Variants in LRP8 observed in about 807,000 individuals in gnomAD.
The protein encoded by LRP8 is low-density lipoprotein receptor-related protein 8.
In LRP8, 46 loss-of-function variants were observed where a neutral mutation model predicts 111.6. That is an observed-to-expected ratio of 0.41 (90% confidence interval 0.33 to 0.53). The LOEUF (loss-of-function observed/expected upper bound fraction) is 0.53. Ranked by LOEUF, LRP8 falls within the 20% of genes least tolerant of loss-of-function variation. LRP8 has a pLI of 0.20. For missense variants in LRP8, 959 were observed against 1,297.4 expected (o/e 0.74, Z 4.01); for synonymous variants, 464 against 511.2 (o/e 0.91, Z 1.24).
At position 53,253,805 on chromosome 1, in the gene LRP8, C is replaced by A. The variant is rs551522158; in HGVS notation, c.2503+1312G>T. Among the ~76,000 whole-genome samples the A allele has an allele frequency of 7.2e-5, 11 of 152,324 alleles. No homozygotes were observed. The South Asian group carries it at 2.3e-3, about 32-fold the overall frequency. On this transcript the variant is annotated intron_variant, in intron 16 of 18. Coordinates refer to ENST00000306052, the MANE Select transcript of LRP8 (RefSeq NM_004631.5). ...TGGAATTACCTTTCCTTCTACCATC[C>A]CTTCACAAGAGTATCATGCCACTAT...
At chr1:53,292,527 A>G (rs1480179777) in intron 2 of LRP8, among the ~76,000 whole-genome samples, 1 of 152,236 alleles carries the variant, frequency 6.6e-6, no homozygotes, top group Non-Finnish European at 1.5e-5. Context: ...TCTTAAAGTA[A>G]GTACCAATAT....
intron 1 of LRP8, 153 bp from the exon 2 acceptor site, chr1:53,327,145 G>T: frequency 1.9e-6 from 2 of 1,035,834 alleles, no homozygotes; most frequent in Admixed American, 5.6e-5. Context: ...CCAAAGGGAG[G>T]GCACGATGGC....
intron 3 of LRP8, among the ~76,000 whole-genome samples, chr1:53,285,971 C>G (rs563199999): frequency 1.8e-4 from 28 of 152,306 alleles, no homozygotes; most frequent in Non-Finnish European, 3.4e-4. Flanking sequence ...CCCAGAGAAT[C>G]CTGCCCCAGA....
At chr1:53,260,434 A>T in intron 13 of LRP8, 30 bp downstream of exon 13, 1 of 1,611,022 alleles carries the variant, frequency 6.2e-7, no homozygotes, top group South Asian at 1.1e-5. Context: ...CAGTCAGGGG[A>T]CCTGGGACCT....
At position 53,280,597 on chromosome 1, in the gene LRP8, G is replaced by C. The variant is rs1439409033; in HGVS notation, c.486C>G (p.Gly162=). 1 of 1,612,296 alleles carries C rather than the reference G, an allele frequency of 6.2e-7. No individual in the cohort carries two copies. The highest frequency in any genetic ancestry group is 8.5e-7 in the Non-Finnish European group (1 of 1,179,964). ...KDCEGGADEA[G]CATLCAPHEF... is the part of the protein sequence containing the mutation. ...TGACCCCAGACTCACAGGTAGCACA[G>C]CCGGCCTCATCCGCTCCACCCTCGC... The change falls in exon 4 of 19, where the codon GGC becomes GGG. Residue 162 remains glycine, a synonymous_variant. Transcript: ENST00000306052.
At chr1:53,277,582 C>A (rs1646968966) in intron 4 of LRP8, among the ~76,000 whole-genome samples, 1 of 152,174 alleles carries the variant, frequency 6.6e-6, no homozygotes, top group Admixed American at 6.5e-5. Context: ...TCGCAGCTCC[C>A]GCCATGCTAG....
chr1:53,247,293 GGT>G (rs144165923), intron 18 of LRP8, among the ~76,000 whole-genome samples: 16 of 152,220 alleles, frequency 1.1e-4, no homozygotes, highest in African/African-American at 3.9e-4. Flanking sequence ...TTTGATCCCA[GGT>G]CTGTATGAAT....
In LRP8 at chr1:53,244,719, G is replaced by A. The variant is rs1358986113; in HGVS notation, c.*2299C>T. The stretch of plus-strand genomic sequence containing the variant: ...TGTGAATGCCAGGATCTTACTGAAA[G>A]TTTAGAAACTATGCCTTAGCCACTG... On this transcript the variant is annotated 3_prime_UTR_variant, in exon 19 of 19. Coordinates refer to ENST00000306052, the MANE Select transcript of LRP8 (RefSeq NM_004631.5). 6.6e-6 allele frequency: 1 copy of A among 152,166 alleles called. No homozygotes were observed. Among genetic ancestry groups the A allele is most frequent in the Non-Finnish European group, 1.5e-5 (1 of 68,030 alleles). 9.4% of individuals were successfully genotyped at this position (152,166 alleles called of 1,614,324 possible).
chr1:53,296,615 T>TA (rs1274138302), intron 2 of LRP8, among the ~76,000 whole-genome samples: 1 of 152,232 alleles, frequency 6.6e-6, no homozygotes. Flanking sequence ...GCCCCTGGCC[T>TA]ACTAACCTGG....
At chr1:53,270,102 G>A (rs887184369) in intron 8 of LRP8, among the ~76,000 whole-genome samples, 3 of 152,168 alleles carry the variant, frequency 2.0e-5, no homozygotes, top group African/African-American at 7.2e-5. Flanking sequence ...TGTGCAGTGC[G>A]TTGTGTGTGT....
At chr1:53,278,151 T>C (rs1190925124) in intron 4 of LRP8, among the ~76,000 whole-genome samples, 1 of 152,238 alleles carries the variant, frequency 6.6e-6, no homozygotes, top group African/African-American at 2.4e-5. Flanking sequence ...ACACAGTCCA[T>C]GACAACAAGA....
rs1284219563 is a variant in LRP8 at position 53,277,074 on chromosome 1, G to C, written c.501C>G (p.Cys167Trp). ...TGCCGCACTGGAACTCGTGCGGGGC[G>C]CACACTGCGCGGGACAGAGAGCCGG... is the stretch of plus-strand genomic sequence containing the variant. The part of the protein sequence containing the change: ...GADEAGCATL[C>W]APHEFQCGNR... The change falls in exon 5 of 19, where the codon TGC (cysteine) becomes TGG (tryptophan). Residue 167 changes from cysteine to tryptophan, a missense_variant. Cys to Trp is a radical substitution (Grantham distance 215). Transcript: ENST00000306052. The C allele has an allele frequency of 1.3e-6, 2 of 1,517,542 alleles. No individual in the cohort carries two copies. Among genetic ancestry groups the C allele is most frequent in the Non-Finnish European group, 1.8e-6 (2 of 1,138,248 alleles). 94.0% of individuals were successfully genotyped at this position (1,517,542 alleles called of 1,614,324 possible).
intron 2 of LRP8, among the ~76,000 whole-genome samples, chr1:53,324,095 C>T (rs2100553590): frequency 6.6e-6 from 1 of 152,310 alleles, no homozygotes; most frequent in Non-Finnish European, 1.5e-5. Context: ...AGCCCTCTTG[C>T]AGGGTGGTGT....
Position 53,275,854 on chromosome 1 carries a change from C to A in LRP8, c.884-101G>T. On this transcript the variant is annotated intron_variant, in intron 5 of 18. Transcript: ENST00000306052. This position sits in a 1 kb window ranked among gnomAD's most constrained non-coding sequence, Gnocchi z 4.4. ...ATGCCATAGCCACCCCCAGCAAAAA[C>A]AGAACCAGTGGCTGAACTCAGGAGT... The A allele has an allele frequency of 6.9e-7, 1 of 1,448,428 alleles. No homozygotes were observed. The highest frequency in any genetic ancestry group is 1.3e-5 in the South Asian group (1 of 75,054). The allele number at this position is 1,448,428 out of a possible 1,614,324, so 89.7% of individuals were successfully genotyped here.
chr1:53,258,291 G>C, intron 14 of LRP8, 28 bp downstream of exon 14: 1 of 1,605,174 alleles, frequency 6.2e-7, no homozygotes, highest in East Asian at 2.3e-5. Context: ...CACTGCCAGG[G>C]GCCATCCCTC....
At chr1:53,270,513 G>A (rs1646725798) in intron 8 of LRP8, among the ~76,000 whole-genome samples, 1 of 152,200 alleles carries the variant, frequency 6.6e-6, no homozygotes, top group Admixed American at 6.5e-5. Context: ...ATGCACACAA[G>A]CTAATAGTAA....
At chr1:53,258,909 C>T (rs778610507) in intron 13 of LRP8, among the ~76,000 whole-genome samples, 1 of 152,066 alleles carries the variant, frequency 6.6e-6, no homozygotes, top group African/African-American at 2.4e-5. Flanking sequence ...TTTGGTTTTC[C>T]ACTACTATCA....
chr1:53,327,094 G>A, intron 1 of LRP8, 102 bp from the exon 2 acceptor site: 1 of 1,502,980 alleles, frequency 6.7e-7, no homozygotes, highest in African/African-American at 1.4e-5. Context: ...GGAGGAAAGG[G>A]GGCGATTATG....
At chr1:53,292,546 GCACCTGGGGAATTTCCTAATGTGAA>G (rs1648975762) in intron 2 of LRP8, among the ~76,000 whole-genome samples, 2 of 152,190 alleles carry the variant, frequency 1.3e-5, no homozygotes, top group Non-Finnish European at 2.9e-5. Context: ...ATGAACCACA[GCACCTGGGGAATTTCCTAATGTGAA>G]CACCAGTGGT....
Sources: gnomAD v4.1 joint callset for allele counts (sites outside exome capture counted in the v4.1 genomes callset) on GRCh38, gnomAD v4.1.1 for gene constraint, Gnocchi (gnomAD v3.1) non-coding constraint, MANE v1.5 for transcripts, NCBI Gene and HGNC (gene_info 2026-07-23, HGNC 2026-07-21) for gene names.